The following CDH12 variants were observed in gnomAD, a reference collection of about 807,000 sequenced individuals.
CDH12 encodes cadherin 12, also known as cadherin-12.
In CDH12, 41 loss-of-function variants were observed where a neutral mutation model predicts 74.1. The observed-to-expected ratio is 0.55, with a 90% CI of 0.43 to 0.72. The LOEUF (loss-of-function observed/expected upper bound fraction) is 0.72, where lower values mean the gene tolerates loss of function less well. Among genes scored for constraint, CDH12 ranks in the 30% least tolerant of loss-of-function variants. CDH12 has a pLI of 0.00. For missense variants in CDH12, 945 were observed against 977.2 expected (o/e 0.97, Z 0.44); for synonymous variants, 399 against 355.0 (o/e 1.12, Z -1.39).
intron 3 of CDH12, among the ~76,000 whole-genome samples, chr5:22,259,397 C>T (rs780317366): frequency 3.7e-4 from 56 of 152,090 alleles, no homozygotes; most frequent in Non-Finnish European, 5.2e-4. Flanking sequence ...GCCTAATTCA[C>T]GGAATTATAT....
intron 1 of CDH12, among the ~76,000 whole-genome samples, chr5:22,640,463 C>T (rs1252245767): frequency 6.6e-6 from 1 of 152,118 alleles, no homozygotes; most frequent in Non-Finnish European, 1.5e-5. Flanking sequence ...TTCTAATTCT[C>T]CTCTACTTCT....
At chr5:22,483,748 C>CTATATATATATATATA (rs573933210) in intron 2 of CDH12, among the ~76,000 whole-genome samples, 564 of 22,776 alleles carry the variant, frequency 0.025, 172 homozygotes, top group South Asian at 0.041. Context: ...TCTTTCAAAA[C>CTATATATATATATATA]TATATATATA....
chr5:22,002,502 G>T (rs1736663473), intron 5 of CDH12, among the ~76,000 whole-genome samples: 1 of 151,880 alleles, frequency 6.6e-6, no homozygotes, highest in South Asian at 2.1e-4. Flanking sequence ...TTATTCATTG[G>T]ATTTATTCTC....
intron 4 of CDH12, among the ~76,000 whole-genome samples, chr5:22,205,922 T>C (rs992660880): frequency 1.3e-5 from 2 of 152,110 alleles, no homozygotes; most frequent in African/African-American, 4.8e-5. Context: ...GACATCCAAC[T>C]ATTCTATGTC....
intron 3 of CDH12, among the ~76,000 whole-genome samples, chr5:22,247,255 G>A (rs1752978438): frequency 6.6e-6 from 1 of 152,170 alleles, no homozygotes; most frequent in African/African-American, 2.4e-5. Context: ...TAAATACACA[G>A]TTACTTCCCC....
rs545818021 is a variant in CDH12 at position 22,755,899 on chromosome 5, T to A, written c.-523+97159A>T. On this transcript the variant is annotated intron_variant, in intron 1 of 14. Coordinates refer to ENST00000382254, the MANE Select transcript of CDH12 (RefSeq NM_004061.5). Reference sequence around the variant, plus strand: ...CACTTTTGGATAAACAAGTTAGAACTGTGAAAAATGGGTACAATGTATCTA... The same window carrying A: ...CACTTTTGGATAAACAAGTTAGAACAGTGAAAAATGGGTACAATGTATCTA... 1.1e-4 allele frequency among the ~76,000 whole-genome samples: 16 copies of A among 151,928 alleles called. No individual in the cohort carries two copies. In the East Asian group the frequency reaches 2.7e-3, roughly 26 times the overall value.
chr5:22,015,713 T>A (rs1737562034), intron 5 of CDH12, among the ~76,000 whole-genome samples: 1 of 152,174 alleles, frequency 6.6e-6, no homozygotes, highest in South Asian at 2.1e-4. Context: ...TTTGCATATA[T>A]TCTTCAACTT....
At chr5:22,722,664 C>T (rs762207600) in intron 1 of CDH12, among the ~76,000 whole-genome samples, 7 of 152,132 alleles carry the variant, frequency 4.6e-5, no homozygotes, top group East Asian at 1.9e-4. Context: ...GCCAAATATG[C>T]GTACACATAG....
At chr5:22,588,607 GA>G (rs902359337) in intron 1 of CDH12, among the ~76,000 whole-genome samples, 2 of 151,718 alleles carry the variant, frequency 1.3e-5, no homozygotes, top group East Asian at 1.9e-4. Context: ...ATATTTTTGG[GA>G]AAAAAACATT....
chr5:22,623,834 CA>C, intron 1 of CDH12, among the ~76,000 whole-genome samples: 2 of 152,138 alleles, frequency 1.3e-5, no homozygotes, highest in East Asian at 1.9e-4. Flanking sequence ...CATATGGAAC[CA>C]AAAAAGAGCC....
intron 6 of CDH12, among the ~76,000 whole-genome samples, chr5:21,926,705 G>A (rs771609543): frequency 6.6e-6 from 1 of 152,156 alleles, no homozygotes; most frequent in Non-Finnish European, 1.5e-5. Context: ...AGACTTGCTC[G>A]AATGATGTCT....
At chr5:22,645,973 G>A (rs568745651) in intron 1 of CDH12, among the ~76,000 whole-genome samples, 8 of 151,642 alleles carry the variant, frequency 5.3e-5, no homozygotes, top group Non-Finnish European at 1.0e-4. Context: ...GGATTTTTTT[G>A]TGCTCACCTT....
chr5:22,831,551 T>C (rs1736612685), intron 1 of CDH12, among the ~76,000 whole-genome samples: 1 of 151,938 alleles, frequency 6.6e-6, no homozygotes. Flanking sequence ...AAAATATAAA[T>C]TATAAAAACA....
At chr5:22,670,268 CT>C in intron 1 of CDH12, among the ~76,000 whole-genome samples, 1 of 152,154 alleles carries the variant, frequency 6.6e-6, no homozygotes, top group Non-Finnish European at 1.5e-5. Flanking sequence ...TTCCCACTAC[CT>C]CAGCCTCCCA....
chr5:22,511,388 A>C (rs1218265431), intron 1 of CDH12, among the ~76,000 whole-genome samples: 2 of 152,214 alleles, frequency 1.3e-5, no homozygotes, highest in Admixed American at 6.5e-5. Context: ...AAGAATGTCA[A>C]CAATCAATAA....
At chr5:22,828,875 A>G (rs913887546) in intron 1 of CDH12, among the ~76,000 whole-genome samples, 3 of 152,158 alleles carry the variant, frequency 2.0e-5, no homozygotes, top group Non-Finnish European at 4.4e-5. Flanking sequence ...ATATATTTTC[A>G]TTCATATCTC....
chr5:22,325,061 T>C (rs1467887927), intron 3 of CDH12, among the ~76,000 whole-genome samples: 1 of 152,228 alleles, frequency 6.6e-6, no homozygotes, highest in Non-Finnish European at 1.5e-5. Context: ...AATCAGGGCA[T>C]GTGCCTCAGC....
chr5:21,782,105 A>C (rs1593985), intron 11 of CDH12, among the ~76,000 whole-genome samples: 5,241 of 152,248 alleles, frequency 0.034, 101 homozygotes, highest in Middle Eastern at 0.058. Context: ...CTAGAAGCTC[A>C]AAGACAGCAT....
At chr5:22,382,197 T>G (rs1299710931) in intron 3 of CDH12, among the ~76,000 whole-genome samples, 2 of 145,984 alleles carry the variant, frequency 1.4e-5, no homozygotes, top group Non-Finnish European at 3.0e-5. Context: ...ATTATTTTAT[T>G]AGATATTTAT....
Sources: allele counts gnomAD v4.1 joint callset (sites outside exome capture counted in the v4.1 genomes callset), GRCh38; gene constraint gnomAD v4.1.1; transcripts MANE v1.5; gene names NCBI Gene and HGNC (gene_info 2026-07-23, HGNC 2026-07-21).